Variants in MCF2L2 observed in about 807,000 individuals in gnomAD.
The protein encoded by MCF2L2 is probable guanine nucleotide exchange factor MCF2L2.
Under a neutral mutation model 150.2 loss-of-function variants are expected in MCF2L2, and 102 were observed. The observed-to-expected ratio is 0.68, with a 90% CI of 0.58 to 0.80. MCF2L2 has a LOEUF of 0.80. Among genes scored for constraint, MCF2L2 ranks in the 30% least tolerant of loss-of-function variants. The pLI is 0.00. For missense variants in MCF2L2, 1,256 were observed against 1,372.8 expected, an observed-to-expected ratio of 0.91 and a Z score of 1.34; for synonymous variants, 465 against 491.3, an observed-to-expected ratio of 0.95 and a Z score of 0.71.
intron 27 of MCF2L2, among the ~76,000 whole-genome samples, chr3:183,190,513 G>T (rs1404682068): frequency 6.6e-6 from 1 of 152,248 alleles, no homozygotes; most frequent in Non-Finnish European, 1.5e-5. Flanking sequence ...GAAGAAGCCA[G>T]GCACAGACGT....
At position 183,208,392 on chromosome 3, in the gene MCF2L2, T is replaced by C. The variant is rs568184031; in HGVS notation, c.2497-569A>G. ...AATGGAAATAGTAACTGCATTCAAC[T>C]CTGAGTTTTTCAGAGTGAGTCAACA... is the stretch of plus-strand genomic sequence containing the variant. On this transcript the variant is annotated intron_variant, in intron 22 of 29. Coordinates refer to ENST00000328913, the MANE Select transcript of MCF2L2 (RefSeq NM_015078.4). Among the ~76,000 whole-genome samples the C allele has an allele frequency of 2.0e-5, 3 of 152,350 alleles. No homozygotes were observed. The South Asian group carries it at 6.2e-4, about 32-fold the overall frequency.
At chr3:183,389,447 T>C (rs1401580005) in intron 2 of MCF2L2, among the ~76,000 whole-genome samples, 1 of 152,220 alleles carries the variant, frequency 6.6e-6, no homozygotes, top group Admixed American at 6.5e-5. Flanking sequence ...TTTTCAGCTC[T>C]GTTATTTACA....
rs749788131 is a variant in MCF2L2 at position 183,216,112 on chromosome 3, C to T, written c.2371-18G>A. On this transcript the variant is annotated intron_variant, in intron 21 of 29. Transcript: ENST00000328913. The stretch of plus-strand genomic sequence containing the variant: ...GGCCCATCCTGTGGAAAACAAATGC[C>T]TTGTTGGAAATCAAAAGTATACCAT... 2 of 1,610,824 alleles carry T rather than the reference C, an allele frequency of 1.2e-6. No homozygotes were observed. The highest frequency in any genetic ancestry group is 8.5e-7 in the Non-Finnish European group (1 of 1,178,498).
rs903519076 is a variant in MCF2L2, at chr3:183,412,073, TAAC to T, written c.76+15826_76+15828del. 9.2e-5 allele frequency among the ~76,000 whole-genome samples: 14 copies of T among 152,242 alleles called. No individual in the cohort carries two copies. The East Asian group carries it at 1.2e-3, about 13-fold the overall frequency. ...GCTAGAAGGAGGCTCAGTACTACCCTAACAACAACAACAACAAAAACCCAGATA... is the reference window on the plus strand; with the variant it reads ...GCTAGAAGGAGGCTCAGTACTACCCTAACAACAACAACAAAAACCCAGATA... On this transcript the variant is annotated intron_variant, in intron 1 of 29. Transcript: ENST00000328913.
At chr3:183,395,958 A>G (rs991731377) in intron 1 of MCF2L2, among the ~76,000 whole-genome samples, 1 of 150,744 alleles carries the variant, frequency 6.6e-6, no homozygotes, top group African/African-American at 2.4e-5. Flanking sequence ...AAAGAAAGAA[A>G]GAAATGGAAT....
intron 1 of MCF2L2, among the ~76,000 whole-genome samples, chr3:183,409,282 G>A (rs1189820709): frequency 6.6e-6 from 1 of 152,098 alleles, no homozygotes; most frequent in African/African-American, 2.4e-5. Flanking sequence ...ATAGCACTTT[G>A]TCATTTACTG....
In MCF2L2 at chr3:183,197,433, A is replaced by C. The variant is rs964259440; in HGVS notation, c.2885-2178T>G. On this transcript the variant is annotated intron_variant, in intron 25 of 29. Transcript: ENST00000328913. The surrounding 1 kb of genome is among the most constrained non-coding windows in gnomAD (Gnocchi z 4.5). ...AACTTTGATCCATACCTCACACCAC[A>C]TACAAATCAAAAACAGAAACAAACA... Among the ~76,000 whole-genome samples, 4 of 151,364 alleles carry C rather than the reference A, an allele frequency of 2.6e-5. No homozygotes were observed. Among genetic ancestry groups the C allele is most frequent in the African/African-American group, 9.8e-5 (4 of 40,640 alleles).
chr3:183,426,772 T>C (rs775785947), intron 1 of MCF2L2, among the ~76,000 whole-genome samples: 2 of 152,254 alleles, frequency 1.3e-5, no homozygotes, highest in Non-Finnish European at 2.9e-5. Context: ...AGGATCCTAC[T>C]GATCTTTTGT....
chr3:183,320,392 C>T (rs1171219942), intron 6 of MCF2L2, among the ~76,000 whole-genome samples: 1 of 152,094 alleles, frequency 6.6e-6, no homozygotes, highest in Non-Finnish European at 1.5e-5. Flanking sequence ...TGCGCCGAGC[C>T]GAGTATAGCC....
At chr3:183,277,626 T>C (rs1418487660) in intron 14 of MCF2L2, among the ~76,000 whole-genome samples, 2 of 151,520 alleles carry the variant, frequency 1.3e-5, no homozygotes, top group South Asian at 2.1e-4. Context: ...CCAATTCAGC[T>C]CTAAAACAAT....
chr3:183,294,385 CTT>C (rs1728341836), intron 13 of MCF2L2, among the ~76,000 whole-genome samples: 1 of 151,814 alleles, frequency 6.6e-6, no homozygotes, highest in African/African-American at 2.4e-5. Context: ...GAGTTTTGCT[CTT>C]GTCGCCCAGG....
chr3:183,194,547 G>C (rs1187275368), intron 26 of MCF2L2, among the ~76,000 whole-genome samples: 1 of 152,106 alleles, frequency 6.6e-6, no homozygotes, highest in African/African-American at 2.4e-5. Flanking sequence ...GTAGGAGGCA[G>C]GGCAGCCTTG....
intron 15 of MCF2L2, chr3:183,273,262 C>A: frequency 2.8e-6 from 1 of 357,594 alleles, no homozygotes; most frequent in Non-Finnish European, 5.2e-6. Context: ...CATCTTTTTT[C>A]CATATTGTTA....
At chr3:183,251,691 A>G (rs1265064654) in intron 15 of MCF2L2, among the ~76,000 whole-genome samples, 1 of 152,068 alleles carries the variant, frequency 6.6e-6, no homozygotes, top group Non-Finnish European at 1.5e-5. Context: ...CTCCCTCTTG[A>G]TAAAAGTAAC....
chr3:183,289,253 A>C (rs1278020894), intron 13 of MCF2L2, 33 bp from the exon 14 acceptor site: 1 of 1,396,018 alleles, frequency 7.2e-7, no homozygotes, highest in East Asian at 2.3e-5. Flanking sequence ...TGGTTATTTA[A>C]CTTATAAACT....
chr3:183,398,544 A>C (rs1256366264), intron 1 of MCF2L2, among the ~76,000 whole-genome samples: 2 of 151,286 alleles, frequency 1.3e-5, no homozygotes, highest in African/African-American at 4.8e-5. Context: ...ATATGTTATA[A>C]ATATAATATG....
chr3:183,310,684 C>T, intron 9 of MCF2L2: 1 of 493,306 alleles, frequency 2.0e-6, no homozygotes, highest in Non-Finnish European at 3.6e-6. Context: ...GAAGATAAAC[C>T]ATCACTGAAA....
At chr3:183,388,108 T>A (rs1233545392) in intron 2 of MCF2L2, among the ~76,000 whole-genome samples, 2 of 152,082 alleles carry the variant, frequency 1.3e-5, no homozygotes, top group Non-Finnish European at 2.9e-5. Context: ...CTCTAAGTCA[T>A]AAGAACAGAA....
intron 5 of MCF2L2, among the ~76,000 whole-genome samples, chr3:183,333,724 T>A (rs73053379): frequency 6.6e-6 from 1 of 152,100 alleles, no homozygotes; most frequent in Non-Finnish European, 1.5e-5. Flanking sequence ...ATTACAAATG[T>A]GTACATGTAT....
Sources: allele counts gnomAD v4.1 joint callset (sites outside exome capture counted in the v4.1 genomes callset), GRCh38; gene constraint gnomAD v4.1.1; non-coding constraint Gnocchi (gnomAD v3.1); transcripts MANE v1.5; gene names NCBI Gene and HGNC (gene_info 2026-07-23, HGNC 2026-07-21).